The following LRBA variants were observed in gnomAD, a reference collection of about 807,000 sequenced individuals.
The protein encoded by LRBA is lipopolysaccharide-responsive and beige-like anchor protein.
Under a neutral mutation model 330.0 loss-of-function variants are expected in LRBA, and 176 were observed. That is an observed-to-expected ratio of 0.53 (90% CI 0.47 to 0.60). LRBA has a LOEUF of 0.60. Ranked by LOEUF, LRBA falls within the 20% of genes least tolerant of loss-of-function variation. LRBA has a pLI of 0.00. For missense variants in LRBA, 3,259 were observed against 3,444.8 expected (o/e 0.95, Z 1.35); for synonymous variants, 1,230 against 1,193.0 (o/e 1.03, Z -0.64).
chr4:150,638,406 TC>T (rs1297560330), intron 37 of LRBA, among the ~76,000 whole-genome samples: 1 of 152,244 alleles, frequency 6.6e-6, no homozygotes, highest in Non-Finnish European at 1.5e-5. Flanking sequence ...ACATTATACT[TC>T]CTGGTATTTT....
At position 150,351,001 on chromosome 4, in the gene LRBA, T is replaced by C. The variant is rs137921438; in HGVS notation, c.7195-842A>G. 1.2e-3 allele frequency among the ~76,000 whole-genome samples: 186 copies of C among 152,346 alleles called. No individual in the cohort carries two copies. In the East Asian group the frequency reaches 0.033, roughly 27 times the overall value. On this transcript the variant is annotated intron_variant, in intron 47 of 56. Transcript: ENST00000651943. ...TTTTGTGGGGGATACCTATAATTAC[T>C]GAATTTTTATTCTAGGTATTAATAT...
At chr4:150,474,329 T>G (rs1311314853) in intron 42 of LRBA, among the ~76,000 whole-genome samples, 1 of 152,202 alleles carries the variant, frequency 6.6e-6, no homozygotes, top group Non-Finnish European at 1.5e-5. Flanking sequence ...TTAATTTATA[T>G]GCCGATCTTT....
At chr4:150,937,482 G>A (rs1185763038) in intron 2 of LRBA, among the ~76,000 whole-genome samples, 1 of 152,140 alleles carries the variant, frequency 6.6e-6, no homozygotes, top group Non-Finnish European at 1.5e-5. Context: ...GCCATGAAAT[G>A]TGAAAATGTA....
At chr4:150,288,476 G>T (rs1748443912) in intron 53 of LRBA, among the ~76,000 whole-genome samples, 1 of 152,094 alleles carries the variant, frequency 6.6e-6, no homozygotes, top group Admixed American at 6.5e-5. Flanking sequence ...TGGCGTGGTG[G>T]TGTGCACCTC....
intron 53 of LRBA, among the ~76,000 whole-genome samples, chr4:150,286,790 C>T (rs1252239300): frequency 1.3e-5 from 2 of 152,086 alleles, no homozygotes; most frequent in Non-Finnish European, 2.9e-5. Flanking sequence ...ATGTCTGTCC[C>T]AAACTAAAAA....
At chr4:150,647,879 A>G (rs1041870313) in intron 37 of LRBA, among the ~76,000 whole-genome samples, 2 of 151,908 alleles carry the variant, frequency 1.3e-5, no homozygotes, top group Non-Finnish European at 2.9e-5. Flanking sequence ...CATATTATTA[A>G]TACGTCTTTC....
chr4:150,335,483 A>ATG (rs1171485399), intron 48 of LRBA, among the ~76,000 whole-genome samples: 92 of 95,408 alleles, frequency 9.6e-4, no homozygotes, highest in Non-Finnish European at 1.6e-3. Flanking sequence ...ATACGTATAT[A>ATG]TGTGTGTGTA....
At chr4:150,954,101 G>A (rs13120649) in intron 2 of LRBA, among the ~76,000 whole-genome samples, 1 of 151,048 alleles carries the variant, frequency 6.6e-6, no homozygotes, top group Non-Finnish European at 1.5e-5. Flanking sequence ...GCCCCGTCTG[G>A]GAAGTGAGGA....
chr4:150,945,804 T>C (rs1736173534), intron 2 of LRBA, among the ~76,000 whole-genome samples: 1 of 151,930 alleles, frequency 6.6e-6, no homozygotes, highest in South Asian at 2.1e-4. Context: ...AAGGCATATT[T>C]CTTTTTTTTT....
At chr4:150,490,407 C>T (rs74971210) in intron 41 of LRBA, among the ~76,000 whole-genome samples, 2,831 of 151,898 alleles carry the variant, frequency 0.019, 38 homozygotes, top group Non-Finnish European at 0.031. Context: ...CAAGTTCCAT[C>T]GTAAAACTGC....
At chr4:150,422,315 A>G (rs1325728826) in intron 46 of LRBA, among the ~76,000 whole-genome samples, 1 of 151,978 alleles carries the variant, frequency 6.6e-6, no homozygotes, top group Non-Finnish European at 1.5e-5. Context: ...TGGGAGCACA[A>G]CTGTTTCCCA....
chr4:150,480,736 A>G (rs1757205150), intron 42 of LRBA, among the ~76,000 whole-genome samples: 1 of 152,164 alleles, frequency 6.6e-6, no homozygotes, highest in African/African-American at 2.4e-5. Context: ...ATAATTGTAC[A>G]TATTTATGGT....
At chr4:150,579,238 CA>C (rs1561379302) in intron 40 of LRBA, 1 of 456,632 alleles carries the variant, frequency 2.2e-6, no homozygotes, top group Admixed American at 2.3e-5. Context: ...GCAGAGGTGA[CA>C]GGGGCTCTTC....
intron 48 of LRBA, among the ~76,000 whole-genome samples, chr4:150,329,238 C>A (rs543863078): frequency 2.0e-5 from 3 of 152,250 alleles, no homozygotes; most frequent in African/African-American, 7.2e-5. Context: ...CTTAACGAAC[C>A]TTTCAGTTCT....
chr4:150,900,264 T>A (rs1730579245), intron 13 of LRBA, 47 bp from the exon 14 acceptor site: 3 of 1,446,556 alleles, frequency 2.1e-6, no homozygotes, highest in Non-Finnish European at 2.9e-6. Flanking sequence ...CAGCATTTTA[T>A]CTGTTTCCAG....
chr4:150,517,210 G>A (rs1321082306), intron 40 of LRBA, among the ~76,000 whole-genome samples: 2 of 152,020 alleles, frequency 1.3e-5, no homozygotes, highest in African/African-American at 4.8e-5. Context: ...AGAAGATTAC[G>A]TACTAGGTTG....
chr4:150,619,444 G>T (rs1240092045), intron 37 of LRBA, among the ~76,000 whole-genome samples: 1 of 152,128 alleles, frequency 6.6e-6, no homozygotes, highest in African/African-American at 2.4e-5. Flanking sequence ...CATTTAGTTA[G>T]TCTTCAGAAT....
chr4:150,657,634 G>A (rs1480393886), intron 37 of LRBA, among the ~76,000 whole-genome samples: 1 of 151,918 alleles, frequency 6.6e-6, no homozygotes, highest in East Asian at 1.9e-4. Context: ...CCAAAACTAA[G>A]ATTATTAATA....
At position 150,653,722 on chromosome 4, in the gene LRBA, C is replaced by T. The variant is rs1055455577; in HGVS notation, c.5921+29829G>A. 3.9e-5 allele frequency among the ~76,000 whole-genome samples: 6 copies of T among 152,246 alleles called. No homozygotes were observed. The South Asian group carries it at 8.3e-4, about 21-fold the overall frequency. On this transcript the variant is annotated intron_variant, in intron 37 of 56. Transcript: ENST00000651943. ...AGAAATTTAAGATAAAAGGGGTTTT[C>T]GCTTCTCGATTTTTAATACATGTTC...
Sources: gnomAD v4.1 joint callset for allele counts (sites outside exome capture counted in the v4.1 genomes callset) on GRCh38, gnomAD v4.1.1 for gene constraint, MANE v1.5 for transcripts, NCBI Gene and HGNC (gene_info 2026-07-23, HGNC 2026-07-21) for gene names.